Variants in DIPK1A observed in about 807,000 individuals in gnomAD.
The protein encoded by DIPK1A is divergent protein kinase domain 1A.
Under a neutral mutation model 40.8 loss-of-function variants are expected in DIPK1A, and 27 were observed. The ratio of observed to expected loss-of-function variants is 0.66; its 90% CI spans 0.49 to 0.91. The LOEUF (loss-of-function observed/expected upper bound fraction) is 0.91, where lower values mean the gene tolerates loss of function less well. Ranked by LOEUF, DIPK1A falls within the 40% of genes least tolerant of loss-of-function variation. The pLI is 0.00. For missense variants in DIPK1A, 412 were observed against 505.7 expected (o/e 0.81, Z 1.78); for synonymous variants, 166 against 171.3 (o/e 0.97, Z 0.24).
intron 1 of DIPK1A, among the ~76,000 whole-genome samples, chr1:92,896,455 T>A (rs1210904209): frequency 6.6e-6 from 1 of 152,068 alleles, no homozygotes; most frequent in Admixed American, 6.5e-5. Flanking sequence ...TAGCCATATA[T>A]AGAAAGCTGA....
intron 2 of DIPK1A, among the ~76,000 whole-genome samples, chr1:92,857,035 G>A (rs1048614041): frequency 1.3e-5 from 2 of 152,190 alleles, no homozygotes; most frequent in Non-Finnish European, 1.5e-5. Context: ...TCAGAATGAC[G>A]TGAGCAGTTT....
At chr1:92,853,039 C>A (rs1687873338) in intron 2 of DIPK1A, among the ~76,000 whole-genome samples, 1 of 151,968 alleles carries the variant, frequency 6.6e-6, no homozygotes, top group Non-Finnish European at 1.5e-5. Context: ...GAGACCCTGT[C>A]TTAAACAAAC....
intron 2 of DIPK1A, among the ~76,000 whole-genome samples, chr1:92,852,118 TAATC>T (rs1022705654): frequency 6.6e-6 from 1 of 152,030 alleles, no homozygotes; most frequent in Non-Finnish European, 1.5e-5. Context: ...TAATGAGTAA[TAATC>T]AAAACCAAAC....
chr1:92,843,646 C>T lies in DIPK1A; in HGVS notation c.1024G>A (p.Asp342Asn). 6.4e-7 allele frequency: 1 copy of T among 1,551,772 alleles called. No individual in the cohort carries two copies. Among genetic ancestry groups the T allele is most frequent in the East Asian group, 2.4e-5 (1 of 40,922 alleles). The stretch of plus-strand genomic sequence containing the variant: ...CTCTGATCACAGCTAGTTCTACAAT[C>T]TGTGCCATAGACACAGTCCAAATCA... Reference protein sequence around the residue: ...ESDLDCVYGTDCRTSCDQSTM... With the variant: ...ESDLDCVYGTNCRTSCDQSTM... The change falls in exon 5 of 5, where the codon GAT (aspartate) becomes AAT (asparagine). Residue 342 changes from aspartate (D) to asparagine (N), a missense_variant. By Grantham distance (23) the Asp-to-Asn change is conservative. Transcript: ENST00000370310.
At chr1:92,890,534 T>C (rs1447422982) in intron 1 of DIPK1A, among the ~76,000 whole-genome samples, 1 of 152,196 alleles carries the variant, frequency 6.6e-6, no homozygotes, top group Non-Finnish European at 1.5e-5. Context: ...AAAAGGTGTT[T>C]AATTTTATTG....
In DIPK1A at chr1:92,918,707, C is replaced by T. The variant is rs188012418; in HGVS notation, c.55-42277G>A. Reference sequence around the variant, plus strand: ...TTGCTTGGTAAGTGCTGTATCTAAACGAGCAGTCCCCAAACTTTTTCACAT... The same window carrying T: ...TTGCTTGGTAAGTGCTGTATCTAAATGAGCAGTCCCCAAACTTTTTCACAT... On this transcript the variant is annotated intron_variant, in intron 1 of 4. Transcript: ENST00000370310. 2.3e-3 allele frequency among the ~76,000 whole-genome samples: 355 copies of T among 152,262 alleles called. 1 individual carries two copies. The highest frequency in any genetic ancestry group is 8.1e-3 in the African/African-American group (338 of 41,534).
intron 4 of DIPK1A, chr1:92,833,261 G>T (rs527873575): frequency 8.7e-5 from 67 of 773,352 alleles, no homozygotes; most frequent in Non-Finnish European, 1.2e-4. Flanking sequence ...TGAAACCTGG[G>T]ATTCTACAAG....
chr1:92,836,069 G>A (rs1687112567), intron 4 of DIPK1A: 1 of 847,018 alleles, frequency 1.2e-6, no homozygotes, highest in African/African-American at 1.7e-5. Flanking sequence ...TGAAAGGGTG[G>A]GTGTGGAAGG....
rs555409662 is a variant in DIPK1A, at chr1:92,898,054, G to A, written c.55-21624C>T. Among the ~76,000 whole-genome samples the A allele has an allele frequency of 2.7e-5, 4 of 150,690 alleles. No individual in the cohort carries two copies. The South Asian group carries it at 8.5e-4, about 32-fold the overall frequency. On this transcript the variant is annotated intron_variant, in intron 1 of 4. Coordinates refer to ENST00000370310, the MANE Select transcript of DIPK1A (RefSeq NM_001006605.5). ...ATGGAGGTTGAAGTGGGTCAAGATT[G>A]TGTCACTGCACTCTAGCCTGGGCAA...
At chr1:92,920,875 G>A (rs2100853172) in intron 1 of DIPK1A, among the ~76,000 whole-genome samples, 1 of 152,300 alleles carries the variant, frequency 6.6e-6, no homozygotes, top group Non-Finnish European at 1.5e-5. Context: ...AGAACATTGG[G>A]TATCAGAGCA....
rs78902331 is a variant in DIPK1A, at chr1:92,919,849, T to C, written c.54+41527A>G. 5.9e-5 allele frequency among the ~76,000 whole-genome samples: 9 copies of C among 152,324 alleles called. No homozygotes were observed. In the East Asian group the frequency reaches 9.6e-4, roughly 16 times the overall value. ...GATACATGGGTGCTCATCAAAATGT[T>C]TGATAAATTGATTTGACATCAATCT... is the stretch of plus-strand genomic sequence containing the variant. On this transcript the variant is annotated intron_variant, in intron 1 of 4. Transcript: ENST00000370310.
chr1:92,924,135 T>A (rs1650387038), intron 1 of DIPK1A, among the ~76,000 whole-genome samples: 1 of 152,230 alleles, frequency 6.6e-6, no homozygotes, highest in African/African-American at 2.4e-5. Context: ...TATTAAAAGA[T>A]AATTGGTTTT....
rs1019583522 is a variant in DIPK1A, at chr1:92,894,242, C to T, written c.55-17812G>A. 6.6e-5 allele frequency among the ~76,000 whole-genome samples: 10 copies of T among 152,056 alleles called. No homozygotes were observed. In the South Asian group the frequency reaches 1.0e-3, roughly 16 times the overall value. The stretch of plus-strand genomic sequence containing the variant: ...ACCACACCTATTCCAAAACTGACCA[C>T]GTAGTTGGAAGTAAAGCACTCCTCA... On this transcript the variant is annotated intron_variant, in intron 1 of 4. Coordinates refer to ENST00000370310, the MANE Select transcript of DIPK1A (RefSeq NM_001006605.5).
intron 2 of DIPK1A, among the ~76,000 whole-genome samples, chr1:92,872,918 G>A (rs150503047): frequency 5.9e-5 from 9 of 152,282 alleles, no homozygotes; most frequent in South Asian, 2.1e-4. Context: ...GCAGAGCCCC[G>A]GGAATTGGCA....
At chr1:92,887,328 A>G (rs1237308536) in intron 1 of DIPK1A, among the ~76,000 whole-genome samples, 15 of 150,824 alleles carry the variant, frequency 9.9e-5, no homozygotes, top group Admixed American at 9.9e-4. Flanking sequence ...TGGGAGGCTG[A>G]GGTGAGAGTA....
At chr1:92,913,849 G>A (rs1649938811) in intron 1 of DIPK1A, among the ~76,000 whole-genome samples, 1 of 152,116 alleles carries the variant, frequency 6.6e-6, no homozygotes, top group Admixed American at 6.5e-5. Context: ...ATCAAGAATA[G>A]ATCAATATTA....
In DIPK1A at chr1:92,850,897, G is replaced by A. The variant is rs1393760077; in HGVS notation, c.248C>T (p.Thr83Ile). 3 of 1,575,326 alleles carry A rather than the reference G, an allele frequency of 1.9e-6. No individual in the cohort carries two copies. The highest frequency in any genetic ancestry group is 1.7e-6 in the Non-Finnish European group (2 of 1,158,762). ...DGPACNSLCV[T>I]ETLYFGKCLS... ...ACATTTTCCAAAGTAAAGAGTTTCT[G>A]TAACACAAAGGCTGTTACATGCAGG... Residue 83 changes from threonine (T) to isoleucine (I), a missense_variant, in exon 3 of 5, where the codon ACA (threonine) becomes ATA (isoleucine). Physicochemically the swap from Thr to Ile is moderately conservative, Grantham distance 89. Coordinates refer to ENST00000370310, the MANE Select transcript of DIPK1A (RefSeq NM_001006605.5).
chr1:92,946,393 A>G (rs893834533), intron 1 of DIPK1A, among the ~76,000 whole-genome samples: 5 of 152,202 alleles, frequency 3.3e-5, no homozygotes, highest in Admixed American at 6.5e-5. Context: ...TGGGAAGTAG[A>G]AGAGAGGAAA....
intron 1 of DIPK1A, among the ~76,000 whole-genome samples, chr1:92,929,058 A>C (rs1228540402): frequency 6.6e-6 from 1 of 152,208 alleles, no homozygotes; most frequent in East Asian, 1.9e-4. Context: ...CATAGTCCTC[A>C]AGCATATTTA....
Sources: allele counts gnomAD v4.1 joint callset (sites outside exome capture counted in the v4.1 genomes callset), GRCh38; gene constraint gnomAD v4.1.1; transcripts MANE v1.5; gene names NCBI Gene and HGNC (gene_info 2026-07-23, HGNC 2026-07-21).